SRP68: variants seen among roughly 807,000 people sequenced by gnomAD.
SRP68 encodes signal recognition particle 68, also known as signal recognition particle subunit SRP68.
Under a neutral mutation model 82.2 loss-of-function variants are expected in SRP68, and 15 were observed. The observed-to-expected ratio is 0.18, with a 90% confidence interval of 0.12 to 0.28. The LOEUF (loss-of-function observed/expected upper bound fraction) is 0.28. SRP68 is among the 10% of genes least tolerant of loss of function. The pLI is 1.00. For missense variants in SRP68, 595 were observed against 780.5 expected (o/e 0.76, Z 2.83); for synonymous variants, 261 against 292.6 (o/e 0.89, Z 1.10).
At chr17:76,058,325 T>C (rs544907507) in intron 7 of SRP68, among the ~76,000 whole-genome samples, 9 of 152,008 alleles carry the variant, frequency 5.9e-5, no homozygotes, top group Non-Finnish European at 1.3e-4. Context: ...TTCTCCGTGT[T>C]GGTCAGACTG....
intron 13 of SRP68, among the ~76,000 whole-genome samples, chr17:76,042,653 T>C (rs2066600637): frequency 6.6e-6 from 1 of 152,136 alleles, no homozygotes. Flanking sequence ...GGCTTGATCT[T>C]GGCTCACTGC....
intron 7 of SRP68, among the ~76,000 whole-genome samples, 183 bp downstream of exon 7, chr17:76,060,125 C>CA (rs1168111688): frequency 0.072 from 2,063 of 28,698 alleles, 439 homozygotes; most frequent in African/African-American, 0.1. Flanking sequence ...GACTCCATCT[C>CA]AAAAAAAAAA....
At chr17:76,051,858 G>A (rs984229000) in intron 8 of SRP68, among the ~76,000 whole-genome samples, 11 of 152,146 alleles carry the variant, frequency 7.2e-5, no homozygotes, top group East Asian at 1.9e-4. Context: ...TACGTGCACC[G>A]TCCAATGAAC....
At chr17:76,070,234 A>AAAAAAC in intron 2 of SRP68, 144 bp downstream of exon 2, 15 of 704,670 alleles carry the variant, frequency 2.1e-5, no homozygotes, top group Non-Finnish European at 2.3e-5. Flanking sequence ...AAAAAAAAAA[A>AAAAAAC]AAAAACAAAG....
chr17:76,040,043 C>A, intron 15 of SRP68, 110 bp from the exon 16 acceptor site: 1 of 1,033,270 alleles, frequency 9.7e-7, no homozygotes. Flanking sequence ...CCATCTCACT[C>A]AATCACTCAA....
chr17:76,041,850 A>G (rs2066592796), intron 13 of SRP68, among the ~76,000 whole-genome samples: 1 of 150,002 alleles, frequency 6.7e-6, no homozygotes, highest in Non-Finnish European at 1.5e-5. Flanking sequence ...CAGCTCCTAC[A>G]CTGGCTGGCG....
chr17:76,046,013 T>C (rs1353081571), intron 11 of SRP68, 25 bp downstream of exon 11: 1 of 1,613,164 alleles, frequency 6.2e-7, no homozygotes, highest in Admixed American at 1.7e-5. Context: ...CACAGGCCCT[T>C]GCCTTCCCGG....
intron 2 of SRP68, among the ~76,000 whole-genome samples, chr17:76,067,959 T>G (rs1453520012): frequency 1.3e-5 from 2 of 152,110 alleles, no homozygotes; most frequent in African/African-American, 2.4e-5. Context: ...CATTCTCTTG[T>G]TAGCACCTTC....
intron 7 of SRP68, among the ~76,000 whole-genome samples, chr17:76,058,742 A>T (rs1437189139): frequency 1.3e-5 from 2 of 152,196 alleles, no homozygotes; most frequent in Non-Finnish European, 2.9e-5. Flanking sequence ...ACTTAAAGAC[A>T]TTTGTCAGTA....
At chr17:76,059,136 C>T (rs2066732718) in intron 7 of SRP68, among the ~76,000 whole-genome samples, 1 of 152,170 alleles carries the variant, frequency 6.6e-6, no homozygotes, top group South Asian at 2.1e-4. Flanking sequence ...GTAGTTCCAG[C>T]TACTCAGGAG....
rs1206558386 is a variant in SRP68, at chr17:76,062,719, TA to T, written c.562-1146del. 1.7e-4 allele frequency among the ~76,000 whole-genome samples: 7 copies of T among 41,926 alleles called. 1 individual carries two copies. The highest frequency in any genetic ancestry group is 7.9e-4 in the African/African-American group (5 of 6,334). 27.5% of individuals were successfully genotyped at this position (41,926 alleles called of 152,430 possible). A position where few individuals can be genotyped will look rare whatever the true frequency, so the allele number is the denominator to read the frequency against. ...ATATATTGTATATTATACAATATAT[TA>T]TATTTATTTTATATATATATATATA... On this transcript the variant is annotated intron_variant, in intron 4 of 15. Coordinates refer to ENST00000307877, the MANE Select transcript of SRP68 (RefSeq NM_014230.4).
intron 8 of SRP68, among the ~76,000 whole-genome samples, chr17:76,053,107 C>CA (rs1287685376): frequency 6.6e-6 from 1 of 150,530 alleles, no homozygotes; most frequent in African/African-American, 2.4e-5. Context: ...ACAAAAAATG[C>CA]AAAAAAAATT....
intron 3 of SRP68, among the ~76,000 whole-genome samples, chr17:76,064,502 A>T (rs1252533959): frequency 6.6e-6 from 1 of 152,136 alleles, no homozygotes; most frequent in Admixed American, 6.6e-5. Flanking sequence ...CTCATTTTTG[A>T]ATCAACACTT....
At chr17:76,047,230 A>T (rs997578011) in intron 10 of SRP68, among the ~76,000 whole-genome samples, 1 of 151,982 alleles carries the variant, frequency 6.6e-6, no homozygotes, top group African/African-American at 2.4e-5. Flanking sequence ...GGATCCTCCC[A>T]CCTGAGCCTC....
intron 8 of SRP68, among the ~76,000 whole-genome samples, chr17:76,053,265 CAAAA>C (rs34472995): frequency 3.6e-5 from 3 of 82,564 alleles, no homozygotes; most frequent in Admixed American, 1.2e-4. Context: ...GACCCTGTCT[CAAAA>C]AAAAAAAAAA....
chr17:76,051,852 T>C (rs2066675092), intron 8 of SRP68, among the ~76,000 whole-genome samples: 1 of 152,216 alleles, frequency 6.6e-6, no homozygotes, highest in Non-Finnish European at 1.5e-5. Flanking sequence ...GTCCTCTACG[T>C]GCACCGTCCA....
At chr17:76,049,448 A>C (rs923541463) in intron 9 of SRP68, 2 of 152,208 alleles carry the variant, frequency 1.3e-5, no homozygotes, top group African/African-American at 4.8e-5. Flanking sequence ...GAATGAGAAC[A>C]GTGTAACACA....
Position 76,039,541 on chromosome 17 carries a change from TTAA to T in SRP68, c.*162_*164del. On this transcript the variant is annotated 3_prime_UTR_variant, in exon 16 of 16. Transcript: ENST00000307877. Reference sequence around the variant, plus strand: ...ACAGGGTGCTCTCCTGACACGCTGCTTAAGAACGTGTACAGACACAAGATGTAG... The same window carrying T: ...ACAGGGTGCTCTCCTGACACGCTGCTGAACGTGTACAGACACAAGATGTAG... 1 of 711,938 alleles carries T rather than the reference TTAA, an allele frequency of 1.4e-6. No homozygotes were observed. Among genetic ancestry groups the T allele is most frequent in the Admixed American group, 2.4e-5 (1 of 41,670 alleles). 44.1% of individuals were successfully genotyped at this position (711,938 alleles called of 1,614,324 possible).
At chr17:76,047,201 T>C (rs1050308940) in intron 10 of SRP68, among the ~76,000 whole-genome samples, 1 of 152,070 alleles carries the variant, frequency 6.6e-6, no homozygotes, top group Non-Finnish European at 1.5e-5. Context: ...ACCGCAGCCT[T>C]GACCTCCCTG....
Sources: gnomAD v4.1 joint callset for allele counts (sites outside exome capture counted in the v4.1 genomes callset) on GRCh38, gnomAD v4.1.1 for gene constraint, MANE v1.5 for transcripts, NCBI Gene and HGNC (gene_info 2026-07-23, HGNC 2026-07-21) for gene names.